QRICH2: variants seen among roughly 807,000 people sequenced by gnomAD.
QRICH2 encodes the protein glutamine rich 2.
QRICH2 carries 119 observed loss-of-function variants against 168.3 expected under a neutral mutation model. The ratio of observed to expected loss-of-function variants is 0.71; its 90% CI spans 0.61 to 0.82. QRICH2 has a LOEUF of 0.82. Ranked by LOEUF, QRICH2 falls within the 40% of genes least tolerant of loss-of-function variation. QRICH2 has a pLI of 0.00. For missense variants in QRICH2, 2,241 were observed against 2,491.6 expected, an observed-to-expected ratio of 0.90 and a Z score of 2.14; for synonymous variants, 894 against 951.2, an observed-to-expected ratio of 0.94 and a Z score of 1.11.
chr17:76,297,916 TC>T (rs1243838762), intron 3 of QRICH2, among the ~76,000 whole-genome samples: 1 of 136,592 alleles, frequency 7.3e-6, no homozygotes, highest in African/African-American at 2.9e-5. Flanking sequence ...TCTTGCTGTG[TC>T]ACCCAGGCTG....
At position 76,291,348 on chromosome 17, in the gene QRICH2, C is replaced by T. The variant is rs749737589; in HGVS notation, c.3379G>A (p.Glu1127Lys). Reference protein sequence around the residue: ...GYLSADQHGQEGLDPNRTRAS... With the variant: ...GYLSADQHGQKGLDPNRTRAS... The stretch of plus-strand genomic sequence containing the variant: ...CGTGTTCTATTTGGATCCAAACCTT[C>T]CTGGCCATGCTGATCAGCACTTAGA... Residue 1127 changes from glutamate (E) to lysine (K), a missense_variant, in exon 4 of 19, where the codon GAA becomes AAA. Physicochemically the swap from Glu to Lys is moderately conservative, Grantham distance 56. Around this residue, in one of 3 missense-constraint regions of QRICH2, gnomAD observed 2,047 missense variants for 2,303.8 expected, o/e 0.89. Transcript: ENST00000680821. The T allele has an allele frequency of 1.2e-6, 2 of 1,614,152 alleles. No homozygotes were observed. The highest frequency in any genetic ancestry group is 1.7e-6 in the Non-Finnish European group (2 of 1,180,030).
At position 76,274,091 on chromosome 17, in the gene QRICH2, G is replaced by T; in HGVS notation, c.5652C>A (p.Ser1884Arg). 6.3e-7 allele frequency: 1 copy of T among 1,577,668 alleles called. No individual in the cohort carries two copies. Among genetic ancestry groups the T allele is most frequent in the Non-Finnish European group, 8.6e-7 (1 of 1,167,118 alleles). The change falls in exon 19 of 19, where the codon AGC becomes AGA. Residue 1884 changes from serine to arginine, a missense_variant. By Grantham distance (110) the Ser-to-Arg change is moderately radical. This residue lies in a region of QRICH2 where 189 missense variants were observed against 169.3 expected (regional missense o/e 1.12). Coordinates refer to ENST00000680821, the MANE Select transcript of QRICH2 (RefSeq NM_001388453.1). ...TTTACACCTCCGCTCACTGAGCGGT[G>T]CTGGACCGCGGCCCCCGCGTGGGCT... ...LEEPTRGPRS[S>R]TAQ
Position 76,275,838 on chromosome 17 carries a change from A to T in QRICH2, c.5463T>A (p.Ile1821=), listed in dbSNP as rs779296285. ...QLPSRPQSAQ[I]SAGNTSVSSR... ...AGCTACCTGAGGTGTTGCCAGCCGAAATCTGGGCGCTCTGTGGCCGAGAGG... is the reference window on the plus strand; with the variant it reads ...AGCTACCTGAGGTGTTGCCAGCCGATATCTGGGCGCTCTGTGGCCGAGAGG... Residue 1821 remains isoleucine (I), a synonymous_variant, in exon 18 of 19, where the codon ATT becomes ATA. Coordinates refer to ENST00000680821, the MANE Select transcript of QRICH2 (RefSeq NM_001388453.1). The T allele has an allele frequency of 6.2e-7, 1 of 1,607,006 alleles. No homozygotes were observed. Among genetic ancestry groups the T allele is most frequent in the African/African-American group, 1.3e-5 (1 of 75,040 alleles).
rs770129910 is a variant in QRICH2 at position 76,290,005 on chromosome 17, T to C, written c.3785A>G (p.Gln1262Arg). 20 of 1,609,390 alleles carry C rather than the reference T, an allele frequency of 1.2e-5. No homozygotes were observed. The highest frequency in any genetic ancestry group is 1.5e-5 in the Non-Finnish European group (18 of 1,176,896). The change falls in exon 5 of 19, where the codon CAG (glutamine) becomes CGG (arginine). Residue 1262 changes from glutamine to arginine, a missense_variant. By Grantham distance (43) the Gln-to-Arg change is conservative. This residue lies in a region of QRICH2 where 2,047 missense variants were observed against 2,303.8 expected (regional missense o/e 0.89). Transcript: ENST00000680821. ...TVKTLAKEVW[Q>R]EKAKVERLQR... ...ACTCTTCCTTACTTTTGCTTTCTCC[T>C]GCCAAACTTCTTTGGCTAGCGTCTT...
At chr17:76,277,423 C>A (rs2070702300) in intron 15 of QRICH2, 113 bp from the exon 16 acceptor site, 2 of 1,301,238 alleles carry the variant, frequency 1.5e-6, no homozygotes, top group African/African-American at 1.5e-5. Flanking sequence ...TCTTCGGGGG[C>A]TGCCGGGAGG....
chr17:76,283,071 G>A (rs909925876), intron 7 of QRICH2, among the ~76,000 whole-genome samples: 6 of 152,234 alleles, frequency 3.9e-5, no homozygotes, highest in African/African-American at 7.2e-5. Flanking sequence ...TTTCCTCCAC[G>A]GCCTACAGCT....
intron 3 of QRICH2, among the ~76,000 whole-genome samples, chr17:76,302,196 C>T (rs1303208153): frequency 2.0e-5 from 3 of 152,034 alleles, no homozygotes; most frequent in South Asian, 2.1e-4. Context: ...CCGCGCCGGC[C>T]GGCACTCATT....
chr17:76,278,273 G>A, intron 14 of QRICH2, 84 bp from the exon 15 acceptor site: 1 of 1,429,116 alleles, frequency 7.0e-7, no homozygotes, highest in East Asian at 2.3e-5. Context: ...TCAGTTCCGG[G>A]TCCCTTTTGT....
At chr17:76,304,826 C>T (rs1425530449) in intron 2 of QRICH2, 56 bp downstream of exon 2, 4 of 1,274,668 alleles carry the variant, frequency 3.1e-6, no homozygotes, top group South Asian at 2.4e-5. Context: ...GAGGGCCACA[C>T]TGAGAGACGG....
Position 76,274,086 on chromosome 17 carries a change from G to C in QRICH2, c.5657C>G (p.Ala1886Gly), listed in dbSNP as rs577200405. The change falls in exon 19 of 19, where the codon GCT (alanine) becomes GGT (glycine). Residue 1886 changes from alanine to glycine, a missense_variant. Coordinates refer to ENST00000680821, the MANE Select transcript of QRICH2 (RefSeq NM_001388453.1). The part of the protein sequence containing the change: ...EPTRGPRSST[A>G]Q ...GTTTATTTACACCTCCGCTCACTGA[G>C]CGGTGCTGGACCGCGGCCCCCGCGT... is the stretch of plus-strand genomic sequence containing the variant. 2.5e-4 allele frequency: 397 copies of C among 1,557,930 alleles called. 1 individual carries two copies. The South Asian group carries it at 4.4e-3, about 17-fold the overall frequency.
chr17:76,308,325 CCTCCCTGCG>C (rs2071023022), upstream of QRICH2: 2 of 985,332 alleles, frequency 2.0e-6, no homozygotes, highest in Non-Finnish European at 2.4e-6. Context: ...TAACAACACG[CCTCCCTGCG>C]AGCCACGGGG....
chr17:76,276,089 T>A, intron 17 of QRICH2, 142 bp from the exon 18 acceptor site: 1 of 1,021,592 alleles, frequency 9.8e-7, no homozygotes, highest in Non-Finnish European at 1.4e-6. Flanking sequence ...TCTGAATTTG[T>A]GGCTATGCCC....
intron 1 of QRICH2, among the ~76,000 whole-genome samples, chr17:76,306,161 T>G (rs1369660020): frequency 1.8e-5 from 2 of 108,354 alleles, no homozygotes; most frequent in Admixed American, 1.3e-4. Context: ...AGAGTGAGAA[T>G]GTGTCTCAAA....
chr17:76,301,150 G>A (rs530172583), intron 3 of QRICH2, among the ~76,000 whole-genome samples: 16 of 152,222 alleles, frequency 1.1e-4, no homozygotes, highest in Non-Finnish European at 1.6e-4. Flanking sequence ...CCAGGAGGTC[G>A]AGGTTGCAGT....
In QRICH2 at chr17:76,298,763, A is replaced by G. The variant is rs184873427; in HGVS notation, c.706-4742T>C. ...CCCGAGTAGCTGGGATTACAGGCGC[A>G]TGCCACCACGCCCGGCTAATTTTTA... On this transcript the variant is annotated intron_variant, in intron 3 of 18. Coordinates refer to ENST00000680821, the MANE Select transcript of QRICH2 (RefSeq NM_001388453.1). Among the ~76,000 whole-genome samples the G allele has an allele frequency of 1.0e-3, 156 of 151,180 alleles. 3 individuals are homozygous for G. The East Asian group carries it at 0.026, about 26-fold the overall frequency.
chr17:76,281,446 C>T lies in QRICH2; in HGVS notation c.4263+418G>A, dbSNP rs2071177220. Among the ~76,000 whole-genome samples the T allele has an allele frequency of 6.6e-6, 1 of 152,216 alleles. No individual in the cohort carries two copies. Among genetic ancestry groups the T allele is most frequent in the Non-Finnish European group, 1.5e-5 (1 of 68,032 alleles). ...AATCTGAGTTCCTCAGCCCAAGAGG[C>T]AGGACCCAGGATTTGTGGCTGTGCC... On this transcript the variant is annotated intron_variant, in intron 8 of 18. Coordinates refer to ENST00000680821, the MANE Select transcript of QRICH2 (RefSeq NM_001388453.1). This position sits in a 1 kb window ranked among gnomAD's most constrained non-coding sequence, Gnocchi z 4.4.
upstream of QRICH2, among the ~76,000 whole-genome samples, chr17:76,308,839 G>A (rs1400842699): frequency 2.0e-5 from 3 of 151,806 alleles, no homozygotes; most frequent in Non-Finnish European, 4.4e-5. Flanking sequence ...TCTGCCTCCC[G>A]GGTTGACATG....
Position 76,294,005 on chromosome 17 carries a change from A to AT in QRICH2, c.721dup (p.Met241AsnfsTer5). The AT allele has an allele frequency of 6.2e-7, 1 of 1,605,084 alleles. No individual in the cohort carries two copies. The highest frequency in any genetic ancestry group is 8.5e-7 in the Non-Finnish European group (1 of 1,173,834). On this transcript the variant is annotated frameshift_variant, in exon 4 of 19. Coordinates refer to ENST00000680821, the MANE Select transcript of QRICH2 (RefSeq NM_001388453.1). LOFTEE classifies it high-confidence loss of function. Reference sequence around the variant, plus strand: ...GAACCCTCCGTGCTTAGAAAATCCCATAAGTGTTTCTGAGCCCTGGTTGGA... The same window carrying AT: ...GAACCCTCCGTGCTTAGAAAATCCCATTAAGTGTTTCTGAGCCCTGGTTGGA...
At chr17:76,275,591 T>C (rs531194308) in intron 18 of QRICH2, among the ~76,000 whole-genome samples, 64 of 152,292 alleles carry the variant, frequency 4.2e-4, no homozygotes, top group African/African-American at 1.5e-3. Flanking sequence ...GGTGACCCTG[T>C]CCCTATTTCA....
Sources: gnomAD v4.1 joint callset for allele counts (sites outside exome capture counted in the v4.1 genomes callset) on GRCh38, gnomAD v4.1.1 for gene constraint, gnomAD v4.1.1 regional missense constraint, Gnocchi (gnomAD v3.1) non-coding constraint, MANE v1.5 for transcripts, NCBI Gene and HGNC (gene_info 2026-07-23, HGNC 2026-07-21) for gene names.